The following DNAI7 variants were observed in gnomAD, a reference collection of about 807,000 sequenced individuals.
The protein encoded by DNAI7 is cancer susceptibility 1.
DNAI7 carries 78 observed loss-of-function variants against 86.6 expected under a neutral mutation model. The ratio of observed to expected loss-of-function variants is 0.90; its 90% CI spans 0.75 to 1.09. The LOEUF (loss-of-function observed/expected upper bound fraction) is 1.09. Among genes scored for constraint, DNAI7 ranks in the 50% least tolerant of loss-of-function variants. The pLI, the probability that DNAI7 is intolerant of heterozygous loss-of-function variation, is 0.00. For synonymous variants in DNAI7, 274 were observed against 273.0 expected (o/e 1.00, Z -0.04); for missense variants, 753 against 810.2 (o/e 0.93, Z 0.86).
chr12:25,155,057 C>T (rs1945987667), intron 5 of DNAI7, among the ~76,000 whole-genome samples: 1 of 152,174 alleles, frequency 6.6e-6, no homozygotes, highest in Non-Finnish European at 1.5e-5. Flanking sequence ...TTTAATTTAG[C>T]ATAATTTCCC....
At chr12:25,107,848 C>CTCAAG, downstream of DNAI7, 1 of 1,613,878 alleles carries the variant, frequency 6.2e-7, no homozygotes, top group Non-Finnish European at 8.5e-7. Flanking sequence ...GGCAACAAAT[C>CTCAAG]TCAAGTCCTC....
intron 6 of DNAI7, among the ~76,000 whole-genome samples, chr12:25,153,809 GT>G (rs200831192): frequency 0.011 from 1,598 of 151,988 alleles, 23 homozygotes; most frequent in African/African-American, 0.035. Flanking sequence ...TAATAAATTA[GT>G]TTTTTTTCCC....
At chr12:25,107,120 T>G (rs1949219725), downstream of DNAI7, 3 of 732,340 alleles carry the variant, frequency 4.1e-6, no homozygotes, top group East Asian at 9.0e-5. Flanking sequence ...GCTGACAGTA[T>G]TAATCCTAAT....
chr12:25,187,840 G>A (rs557953605), intron 2 of DNAI7, among the ~76,000 whole-genome samples: 4 of 152,182 alleles, frequency 2.6e-5, no homozygotes, highest in Non-Finnish European at 4.4e-5. Context: ...AGTTAAAGGC[G>A]ATACCTGTAT....
chr12:25,152,246 C>G (rs889224411), intron 6 of DNAI7, among the ~76,000 whole-genome samples: 1 of 152,180 alleles, frequency 6.6e-6, no homozygotes, highest in Non-Finnish European at 1.5e-5. Context: ...CAGAGGATGG[C>G]GGCTGATTGC....
chr12:25,162,252 A>T (rs1565773806), intron 2 of DNAI7, among the ~76,000 whole-genome samples: 1 of 152,214 alleles, frequency 6.6e-6, no homozygotes, highest in African/African-American at 2.4e-5. Context: ...TTAAAATTGG[A>T]GGCAAGGAGA....
intron 2 of DNAI7, among the ~76,000 whole-genome samples, chr12:25,165,652 CG>C (rs149075370): frequency 0.059 from 8,974 of 152,278 alleles, 360 homozygotes; most frequent in Non-Finnish European, 0.089. Flanking sequence ...CGGAAGCCTA[CG>C]GGACCATCAC....
intron 2 of DNAI7, among the ~76,000 whole-genome samples, chr12:25,165,057 C>T (rs986366103): frequency 1.1e-4 from 17 of 152,166 alleles, no homozygotes; most frequent in Admixed American, 5.9e-4. Context: ...ATAAAAAACG[C>T]AGCCCAGTTC....
intron 11 of DNAI7, among the ~76,000 whole-genome samples, chr12:25,120,794 CAG>C (rs571286582): frequency 2.0e-3 from 297 of 152,256 alleles, no homozygotes; most frequent in South Asian, 4.6e-3. Flanking sequence ...ACTTATAAAA[CAG>C]GGGTGAGAAA....
chr12:25,130,570 A>G (rs1341553671), intron 9 of DNAI7, among the ~76,000 whole-genome samples: 1 of 65,838 alleles, frequency 1.5e-5, no homozygotes, highest in Non-Finnish European at 4.4e-5. Flanking sequence ...ATAAAATAAA[A>G]TAAAATAAAA....
chr12:25,120,719 C>G (rs192387443), intron 11 of DNAI7, among the ~76,000 whole-genome samples: 453 of 151,754 alleles, frequency 3.0e-3, no homozygotes, highest in Non-Finnish European at 4.7e-3. Flanking sequence ...AGCGAGACTC[C>G]GTCTCAAAAA....
intron 15 of DNAI7, among the ~76,000 whole-genome samples, chr12:25,109,712 CTT>C (rs958646635): frequency 2.6e-5 from 4 of 151,644 alleles, no homozygotes. Flanking sequence ...GAATTTTGCT[CTT>C]GTTGCCCAGG....
rs138172442 is a variant in DNAI7 at position 25,110,970 on chromosome 12, A to C, written c.1780-730T>G. Among the ~76,000 whole-genome samples the C allele has an allele frequency of 3.9e-5, 6 of 152,300 alleles. No homozygotes were observed. The South Asian group carries it at 1.2e-3, about 32-fold the overall frequency. ...TCTGAAAGCATGAGCAGAACACTAC[A>C]TTCAACAATGTAGAGTAACAGGCAA... is the stretch of plus-strand genomic sequence containing the variant. On this transcript the variant is annotated intron_variant, in intron 14 of 15. Transcript: ENST00000395987.
At chr12:25,174,496 C>CATATATA (rs1565811566) in intron 2 of DNAI7, among the ~76,000 whole-genome samples, 5 of 2,882 alleles carry the variant, frequency 1.7e-3, no homozygotes, top group African/African-American at 2.7e-3. Flanking sequence ...TATCATATAT[C>CATATATA]CCATATATAT....
chr12:25,118,224 C>T (rs1016591681), intron 12 of DNAI7, among the ~76,000 whole-genome samples: 4 of 151,832 alleles, frequency 2.6e-5, no homozygotes, highest in African/African-American at 7.3e-5. Context: ...TGAGCCACAG[C>T]GCCTGGCCTG....
chr12:25,173,788 T>A (rs1015112573), intron 2 of DNAI7, among the ~76,000 whole-genome samples: 4 of 150,728 alleles, frequency 2.7e-5, no homozygotes, highest in African/African-American at 7.3e-5. Context: ...TATACACACA[T>A]CATATATATA....
intron 12 of DNAI7, 33 bp downstream of exon 12, chr12:25,119,112 C>A: frequency 6.5e-7 from 1 of 1,538,034 alleles, no homozygotes; most frequent in Non-Finnish European, 8.8e-7. Flanking sequence ...TATGATTATC[C>A]CTCCTTTTAT....
intron 2 of DNAI7, among the ~76,000 whole-genome samples, chr12:25,189,947 T>C (rs1431675471): frequency 6.8e-6 from 1 of 146,232 alleles, no homozygotes; most frequent in African/African-American, 2.6e-5. Context: ...TAAGAATAGA[T>C]GGAAATCAGA....
intron 9 of DNAI7, among the ~76,000 whole-genome samples, chr12:25,135,829 C>T (rs1248123459): frequency 2.0e-5 from 3 of 151,808 alleles, no homozygotes; most frequent in Non-Finnish European, 4.4e-5. Flanking sequence ...TACCCCCATC[C>T]CCTAGAGCAG....
Sources: allele counts gnomAD v4.1 joint callset (sites outside exome capture counted in the v4.1 genomes callset), GRCh38; gene constraint gnomAD v4.1.1; transcripts MANE v1.5; gene names NCBI Gene and HGNC (gene_info 2026-07-23, HGNC 2026-07-21).